Variants in HS3ST4 observed in about 807,000 individuals in gnomAD.
The protein encoded by HS3ST4 is heparan sulfate glucosamine 3-O-sulfotransferase 4.
In HS3ST4, 17 loss-of-function variants were observed where a neutral mutation model predicts 29.2. The observed-to-expected ratio is 0.58, with a 90% CI of 0.40 to 0.87. HS3ST4 has a LOEUF of 0.87. Ranked by LOEUF, HS3ST4 falls within the 40% of genes least tolerant of loss-of-function variation. The probability of loss-of-function intolerance (pLI) is 0.00; values close to 1 mark genes in which losing one functional copy is unlikely to be tolerated. For missense variants in HS3ST4, 627 were observed against 634.5 expected (o/e 0.99, Z 0.13); for synonymous variants, 314 against 285.7 (o/e 1.10, Z -1.00).
intron 1 of HS3ST4, among the ~76,000 whole-genome samples, chr16:25,906,720 T>G (rs946844286): frequency 6.6e-6 from 1 of 152,200 alleles, no homozygotes; most frequent in African/African-American, 2.4e-5. Context: ...ACTAGTTTGC[T>G]GAGCAAATTC....
In HS3ST4 at chr16:25,873,561, C is replaced by G. The variant is rs138823981; in HGVS notation, c.734+180410C>G. Among the ~76,000 whole-genome samples the G allele has an allele frequency of 1.5e-3, 227 of 150,180 alleles. 2 individuals carry two copies. Among genetic ancestry groups the G allele is most frequent in the Middle Eastern group, 6.9e-3 (2 of 290 alleles). ...ATCTTTCTCTATCTATCTGTCTATA[C>G]ATCCATCCACCCATTTGTCCATCCA... On this transcript the variant is annotated intron_variant, in intron 1 of 1. Coordinates refer to ENST00000331351, the MANE Select transcript of HS3ST4 (RefSeq NM_006040.3).
rs895869218 is a variant in HS3ST4 at position 25,870,400 on chromosome 16, T to TA, written c.734+177258dup. On this transcript the variant is annotated intron_variant, in intron 1 of 1. Transcript: ENST00000331351. ...TTACACAGTCAGGAGTGTTAGGGAG[T>TA]AAAAAAAAAGCTCCCTCACTAAGAA... Among the ~76,000 whole-genome samples the TA allele has an allele frequency of 1.5e-4, 23 of 150,694 alleles. No homozygotes were observed. In the East Asian group the frequency reaches 3.1e-3, roughly 20 times the overall value.
intron 1 of HS3ST4, among the ~76,000 whole-genome samples, chr16:26,015,834 A>G (rs930285103): frequency 3.3e-5 from 5 of 152,134 alleles, no homozygotes; most frequent in East Asian, 1.9e-4. Flanking sequence ...TGTCTTTCCA[A>G]TTTGGGGGGA....
chr16:26,107,830 G>T (rs1899077430), intron 1 of HS3ST4, among the ~76,000 whole-genome samples: 1 of 152,088 alleles, frequency 6.6e-6, no homozygotes, highest in African/African-American at 2.4e-5. Flanking sequence ...CTTTGCAATT[G>T]TGAATTTGTG....
chr16:25,869,640 G>A (rs1176675342), intron 1 of HS3ST4, among the ~76,000 whole-genome samples: 1 of 152,180 alleles, frequency 6.6e-6, no homozygotes, highest in Non-Finnish European at 1.5e-5. Flanking sequence ...GGGAGAGGCA[G>A]CACTGCTGAC....
At chr16:25,815,405 C>A (rs1178657436) in intron 1 of HS3ST4, among the ~76,000 whole-genome samples, 4 of 152,178 alleles carry the variant, frequency 2.6e-5, no homozygotes, top group Admixed American at 2.6e-4. Context: ...CTCACTGCAA[C>A]CTCCGCCTCC....
Position 25,808,092 on chromosome 16 carries a change from C to T in HS3ST4, c.734+114941C>T, listed in dbSNP as rs577793438. Among the ~76,000 whole-genome samples, 155 of 152,138 alleles carry T rather than the reference C, an allele frequency of 1.0e-3. 2 individuals carry two copies. Among genetic ancestry groups the T allele is most frequent in the Middle Eastern group, 6.8e-3 (2 of 294 alleles). On this transcript the variant is annotated intron_variant, in intron 1 of 1. Coordinates refer to ENST00000331351, the MANE Select transcript of HS3ST4 (RefSeq NM_006040.3). ...AGTCTGGAGCTTGTCTTTTTATGCTCTTATTAGGATCTCTCACACAGCAAA... is the reference window on the plus strand; with the variant it reads ...AGTCTGGAGCTTGTCTTTTTATGCTTTTATTAGGATCTCTCACACAGCAAA...
chr16:25,716,712 G>T (rs1268643715), intron 1 of HS3ST4, among the ~76,000 whole-genome samples: 2 of 152,152 alleles, frequency 1.3e-5, no homozygotes, highest in Middle Eastern at 3.2e-3. Context: ...ATCTTATGAA[G>T]CCCTCATGAG....
chr16:25,849,290 GTA>G (rs1255296063), intron 1 of HS3ST4, among the ~76,000 whole-genome samples: 1 of 152,114 alleles, frequency 6.6e-6, no homozygotes, highest in Non-Finnish European at 1.5e-5. Flanking sequence ...ACGTATTTAT[GTA>G]TATACATGTA....
intron 1 of HS3ST4, among the ~76,000 whole-genome samples, chr16:26,010,439 G>A (rs1235062629): frequency 6.6e-6 from 1 of 151,120 alleles, no homozygotes; most frequent in Non-Finnish European, 1.5e-5. Context: ...GGGAGACAGA[G>A]TGAGACTCCA....
chr16:25,888,490 A>C (rs922110812), intron 1 of HS3ST4, among the ~76,000 whole-genome samples: 2 of 151,994 alleles, frequency 1.3e-5, no homozygotes, highest in Non-Finnish European at 2.9e-5. Context: ...TCCTTTTAAC[A>C]AAAAAAATTA....
At chr16:26,109,165 T>G (rs1899094763) in intron 1 of HS3ST4, among the ~76,000 whole-genome samples, 1 of 152,164 alleles carries the variant, frequency 6.6e-6, no homozygotes, top group Non-Finnish European at 1.5e-5. Context: ...CTAGAGCAAA[T>G]TACCAACTGT....
intron 1 of HS3ST4, among the ~76,000 whole-genome samples, chr16:25,949,339 C>T (rs1380292926): frequency 6.6e-6 from 1 of 152,122 alleles, no homozygotes; most frequent in Admixed American, 6.6e-5. Flanking sequence ...TACCCATTCA[C>T]CGTCCCCACC....
chr16:25,936,025 G>A (rs961632636), intron 1 of HS3ST4, among the ~76,000 whole-genome samples: 4 of 152,034 alleles, frequency 2.6e-5, no homozygotes, highest in African/African-American at 9.7e-5. Flanking sequence ...TCTTATCTTG[G>A]CCTCCAAAAG....
chr16:25,991,165 G>A (rs72778331), intron 1 of HS3ST4, among the ~76,000 whole-genome samples: 1 of 151,948 alleles, frequency 6.6e-6, no homozygotes, highest in East Asian at 1.9e-4. Flanking sequence ...AACATTGATA[G>A]CAACTAATTT....
chr16:25,860,651 A>G (rs913613902), intron 1 of HS3ST4, among the ~76,000 whole-genome samples: 1 of 152,348 alleles, frequency 6.6e-6, no homozygotes, highest in Middle Eastern at 3.4e-3. Flanking sequence ...TGACTGCATG[A>G]CATTCTGGAT....
intron 1 of HS3ST4, among the ~76,000 whole-genome samples, chr16:25,706,505 T>C (rs982379551): frequency 1.5e-4 from 23 of 152,112 alleles, no homozygotes; most frequent in African/African-American, 5.3e-4. Context: ...ATGCATTAGG[T>C]ATTTGTCCTA....
At chr16:25,730,862 T>C (rs748526289) in intron 1 of HS3ST4, among the ~76,000 whole-genome samples, 11 of 152,142 alleles carry the variant, frequency 7.2e-5, no homozygotes, top group African/African-American at 1.2e-4. Context: ...CACCTTTGTG[T>C]TCTGTGATTT....
Position 25,994,360 on chromosome 16 carries a change from A to G in HS3ST4, c.735-141252A>G, listed in dbSNP as rs537240728. Among the ~76,000 whole-genome samples, 594 of 151,684 alleles carry G rather than the reference A, an allele frequency of 3.9e-3. 4 individuals are homozygous for G. Among genetic ancestry groups the G allele is most frequent in the Admixed American group, 6.0e-3 (91 of 15,250 alleles). On this transcript the variant is annotated intron_variant, in intron 1 of 1. Transcript: ENST00000331351. Reference sequence around the variant, plus strand: ...TTAATCCTTTAGATTTATTTTTTCTATCTGATAATAACTTATTTATTCTCT... The same window carrying G: ...TTAATCCTTTAGATTTATTTTTTCTGTCTGATAATAACTTATTTATTCTCT...
Sources: allele counts gnomAD v4.1 joint callset (sites outside exome capture counted in the v4.1 genomes callset), GRCh38; gene constraint gnomAD v4.1.1; transcripts MANE v1.5; gene names NCBI Gene and HGNC (gene_info 2026-07-23, HGNC 2026-07-21).